ACSBG1: variants seen among roughly 807,000 people sequenced by gnomAD.
ACSBG1 encodes the protein long-chain-fatty-acid--CoA ligase ACSBG1.
A neutral mutation model predicts 80.2 loss-of-function variants in ACSBG1; 39 were observed. The ratio of observed to expected loss-of-function variants is 0.49; its 90% confidence interval spans 0.38 to 0.64. The LOEUF (loss-of-function observed/expected upper bound fraction) is 0.64. ACSBG1 is among the 30% of genes least tolerant of loss of function. The pLI is 0.00. For missense variants in ACSBG1, 828 were observed against 966.4 expected (o/e 0.86, Z 1.90); for synonymous variants, 392 against 379.5 (o/e 1.03, Z -0.38).
intron 2 of ACSBG1, among the ~76,000 whole-genome samples, chr15:78,198,933 A>G (rs1191501677): frequency 6.6e-6 from 1 of 152,216 alleles, no homozygotes; most frequent in East Asian, 1.9e-4. Context: ...AATACATAAT[A>G]AATGAATGAA....
At chr15:78,182,176 G>A (rs753894019) in intron 7 of ACSBG1, 31 bp from the exon 8 acceptor site, 6 of 1,593,954 alleles carry the variant, frequency 3.8e-6, no homozygotes, top group African/African-American at 1.3e-5. Context: ...TCCCAGCAGT[G>A]TCCACAAGCC....
chr15:78,207,784 C>A (rs2141367161), intron 2 of ACSBG1: 1 of 553,492 alleles, frequency 1.8e-6, no homozygotes, highest in South Asian at 2.5e-5. Flanking sequence ...AAGAAGAAAT[C>A]TCCCCATCCC....
intron 1 of ACSBG1, among the ~76,000 whole-genome samples, chr15:78,224,667 G>A (rs946979320): frequency 3.9e-5 from 6 of 152,104 alleles, no homozygotes; most frequent in Admixed American, 2.0e-4. Context: ...GTTGCAGTGA[G>A]CCGAGATCGC....
chr15:78,234,380 AATTTTTC>A lies in ACSBG1; in HGVS notation c.115_121del (p.Glu39Ter), dbSNP rs2075475924. The A allele has an allele frequency of 1.2e-6, 2 of 1,611,216 alleles. No individual in the cohort carries two copies. Among genetic ancestry groups the A allele is most frequent in the Non-Finnish European group, 8.5e-7 (1 of 1,179,986 alleles). On this transcript the variant is annotated frameshift_variant, in exon 1 of 14. Coordinates refer to ENST00000258873, the MANE Select transcript of ACSBG1 (RefSeq NM_015162.5). LOFTEE classifies it high-confidence loss of function. ...CCAACCAATGACTTACCTGGTTTTC[AATTTTTC>A]TTGGGTGGTCCTCACAATCATGTCC...
intron 5 of ACSBG1, 89 bp from the exon 6 acceptor site, chr15:78,182,874 G>A (rs1406712538): frequency 7.0e-7 from 1 of 1,435,340 alleles, no homozygotes; most frequent in Admixed American, 1.8e-5. Context: ...AGTCGGCTTA[G>A]TAAAGGTCTC....
chr15:78,181,789 G>A (rs1310556705), intron 8 of ACSBG1, among the ~76,000 whole-genome samples, 180 bp downstream of exon 8: 2 of 152,160 alleles, frequency 1.3e-5, no homozygotes, highest in Admixed American at 6.5e-5. Context: ...CACCGTGCCC[G>A]GCCTAGTTTC....
At chr15:78,176,779 C>T (rs1021376585) in intron 11 of ACSBG1, among the ~76,000 whole-genome samples, 1 of 151,746 alleles carries the variant, frequency 6.6e-6, no homozygotes, top group Non-Finnish European at 1.5e-5. Flanking sequence ...AAAAATTAGC[C>T]AGTTGTGGTG....
chr15:78,231,499 T>C (rs1595909798), intron 1 of ACSBG1, among the ~76,000 whole-genome samples: 1 of 152,302 alleles, frequency 6.6e-6, no homozygotes, highest in East Asian at 1.9e-4. Context: ...TTACCCAGGC[T>C]GGTCTCGAAC....
rs375138630 is a variant in ACSBG1, at chr15:78,193,597, C to G, written c.572G>C (p.Ser191Thr). The G allele has an allele frequency of 1.9e-6, 3 of 1,613,646 alleles. No homozygotes were observed. The highest frequency in any genetic ancestry group is 2.7e-5 in the African/African-American group (2 of 74,912). The change falls in exon 5 of 14, where the codon AGC (serine) becomes ACC (threonine). Residue 191 changes from serine to threonine, a missense_variant. Transcript: ENST00000258873. Reference protein sequence around the residue: ...GGIVTGIYTTSSPEACQYIAY... With the variant: ...GGIVTGIYTTTSPEACQYIAY... Reference sequence around the variant, plus strand: ...GATGTACTGGCAGGCCTCTGGGGAGCTGGTGGTGTAGATGCCAGTGACGAT... The same window carrying G: ...GATGTACTGGCAGGCCTCTGGGGAGGTGGTGGTGTAGATGCCAGTGACGAT...
chr15:78,179,717 T>C lies in ACSBG1; in HGVS notation c.1317A>G (p.Ala439=). The change falls in exon 10 of 14, where the codon GCA becomes GCG. Residue 439 remains alanine, a synonymous_variant. Coordinates refer to ENST00000258873, the MANE Select transcript of ACSBG1 (RefSeq NM_015162.5). ...DYLVLAKVRQ[A]LGFAKCQKNF... ...TCTTTTGACACTTGGCAAATCCCAG[T>C]GCCTGGCGAACCTTGGCTAGCACCA... 2 of 1,614,122 alleles carry C rather than the reference T, an allele frequency of 1.2e-6. No homozygotes were observed. Among genetic ancestry groups the C allele is most frequent in the Non-Finnish European group, 8.5e-7 (1 of 1,180,030 alleles).
At chr15:78,224,217 C>T (rs562862859) in intron 1 of ACSBG1, among the ~76,000 whole-genome samples, 1 of 151,334 alleles carries the variant, frequency 6.6e-6, no homozygotes, top group South Asian at 2.1e-4. Flanking sequence ...CTCCAGATGG[C>T]TGTTACCCTG....
intron 2 of ACSBG1, among the ~76,000 whole-genome samples, chr15:78,197,231 C>T (rs942820621): frequency 7.2e-5 from 11 of 151,940 alleles, no homozygotes; most frequent in Admixed American, 4.6e-4. Context: ...GTGTTTGCCC[C>T]GGGCTGGAGG....
intron 1 of ACSBG1, among the ~76,000 whole-genome samples, chr15:78,230,426 G>C (rs1033885076): frequency 1.4e-4 from 21 of 152,318 alleles, no homozygotes; most frequent in African/African-American, 5.1e-4. Context: ...TGCAACACTG[G>C]GAAGCAGGGG....
rs1390162675 is a variant in ACSBG1, at chr15:78,194,529, T to C, written c.430A>G (p.Arg144Gly). 1 of 1,614,092 alleles carries C rather than the reference T, an allele frequency of 6.2e-7. No individual in the cohort carries two copies. The highest frequency in any genetic ancestry group is 8.5e-7 in the Non-Finnish European group (1 of 1,180,040). Residue 144 changes from arginine (R) to glycine (G), a missense_variant, in exon 3 of 14, where the codon AGA becomes GGA. Physicochemically the swap from Arg to Gly is moderately radical, Grantham distance 125. Coordinates refer to ENST00000258873, the MANE Select transcript of ACSBG1 (RefSeq NM_015162.5). ...ACCTTCAGGAAGCCCTTGGCGGCTC[T>C]GCGGGCGAGCAGGTAGTATTGGGAG... The part of the protein sequence containing the change: ...SYSQYYLLAR[R>G]AAKGFLKLGL...
At chr15:78,186,576 G>A (rs868064027) in intron 5 of ACSBG1, among the ~76,000 whole-genome samples, 29 of 152,252 alleles carry the variant, frequency 1.9e-4, no homozygotes, top group Middle Eastern at 3.4e-3. Flanking sequence ...AATGACTACT[G>A]GGTACATAAC....
rs1032117284 is a variant in ACSBG1, at chr15:78,171,207, C to T, written c.*237G>A. ...AAGGAGAGCTGATCTCATTTGTCAC[C>T]TGAACAAAAAGCAATACTTAAACTG... On this transcript the variant is annotated 3_prime_UTR_variant, in exon 14 of 14. Coordinates refer to ENST00000258873, the MANE Select transcript of ACSBG1 (RefSeq NM_015162.5). The T allele has an allele frequency of 5.4e-6, 2 of 370,382 alleles. No homozygotes were observed. Among genetic ancestry groups the T allele is most frequent in the Admixed American group, 4.2e-5 (1 of 24,042 alleles). The allele number at this position is 370,382 out of a possible 1,614,324, so 22.9% of individuals were successfully genotyped here. A position where few individuals can be genotyped will look rare whatever the true frequency, so the allele number is the denominator to read the frequency against.
chr15:78,199,446 G>A (rs1235117499), intron 2 of ACSBG1, among the ~76,000 whole-genome samples: 1 of 151,470 alleles, frequency 6.6e-6, no homozygotes, highest in Admixed American at 6.6e-5. Context: ...TGTAATCACA[G>A]CACTTTGGGA....
At chr15:78,197,126 G>A (rs2075121479) in intron 2 of ACSBG1, among the ~76,000 whole-genome samples, 1 of 152,124 alleles carries the variant, frequency 6.6e-6, no homozygotes, top group African/African-American at 2.4e-5. Context: ...ATAAAGTATT[G>A]ATAGAGGCTA....
rs1481357095 is a variant in ACSBG1 at position 78,170,503 on chromosome 15, T to A, written c.*941A>T. 2 of 152,216 alleles carry A rather than the reference T, an allele frequency of 1.3e-5. No individual in the cohort carries two copies. Among genetic ancestry groups the A allele is most frequent in the African/African-American group, 4.8e-5 (2 of 41,440 alleles). 9.4% of individuals were successfully genotyped at this position (152,216 alleles called of 1,614,324 possible). A position where few individuals can be genotyped will look rare whatever the true frequency, so the allele number is the denominator to read the frequency against. On this transcript the variant is annotated 3_prime_UTR_variant, in exon 14 of 14. Transcript: ENST00000258873. ...TTCATTGGATTGTGCCAGTTATCAG[T>A]GGCTCTTGGGTTCAAAGTAATAAAG...
Sources: allele counts gnomAD v4.1 joint callset (sites outside exome capture counted in the v4.1 genomes callset), GRCh38; gene constraint gnomAD v4.1.1; transcripts MANE v1.5; gene names NCBI Gene and HGNC (gene_info 2026-07-23, HGNC 2026-07-21).